AOPEP: variants seen among roughly 807,000 people sequenced by gnomAD.
AOPEP encodes aminopeptidase O (putative).
In AOPEP, 77 loss-of-function variants were observed where a neutral mutation model predicts 98.1. That is an observed-to-expected ratio of 0.78 (90% CI 0.65 to 0.95). The LOEUF (loss-of-function observed/expected upper bound fraction) is 0.95. Among genes scored for constraint, AOPEP ranks in the 40% least tolerant of loss-of-function variants. The pLI is 0.00. For missense variants in AOPEP, 1,024 were observed against 1,024.7 expected (o/e 1.00, Z 0.01); for synonymous variants, 346 against 365.3 (o/e 0.95, Z 0.60).
At chr9:94,965,398 T>G (rs1448907115) in intron 9 of AOPEP, among the ~76,000 whole-genome samples, 2 of 152,282 alleles carry the variant, frequency 1.3e-5, no homozygotes, top group Non-Finnish European at 2.9e-5. Context: ...ATGCTTTTAA[T>G]AGGGAGACTT....
At chr9:94,765,365 A>C (rs1046546682) in intron 2 of AOPEP, among the ~76,000 whole-genome samples, 1 of 150,916 alleles carries the variant, frequency 6.6e-6, no homozygotes, top group Non-Finnish European at 1.5e-5. Context: ...TTTGGAAGAC[A>C]GAGGCAGGAG....
At chr9:95,092,926 C>T in the AOPEP span, among the ~76,000 whole-genome samples, 2,540 of 152,264 alleles carry the variant, frequency 0.017, 83 homozygotes, top group African/African-American at 0.058. Context: ...CATTCTGACC[C>T]TATGATTTAA....
the AOPEP span, among the ~76,000 whole-genome samples, chr9:95,109,037 G>T: frequency 6.6e-6 from 1 of 152,008 alleles, no homozygotes; most frequent in Non-Finnish European, 1.5e-5. Flanking sequence ...AGCCTCCCGA[G>T]TAGCTGGGAC....
chr9:94,734,023 G>C (rs1831170669), intron 1 of AOPEP, among the ~76,000 whole-genome samples: 1 of 152,184 alleles, frequency 6.6e-6, no homozygotes, highest in Admixed American at 6.5e-5. Context: ...CAAAGAACTA[G>C]AATATAAATA....
chr9:94,815,084 A>G (rs1588357437), intron 5 of AOPEP, among the ~76,000 whole-genome samples: 1 of 152,128 alleles, frequency 6.6e-6, no homozygotes, highest in Non-Finnish European at 1.5e-5. Context: ...TTGGTCCCAT[A>G]TTTGTGGGTC....
At chr9:94,917,501 C>T (rs934779332) in intron 5 of AOPEP, among the ~76,000 whole-genome samples, 2 of 152,156 alleles carry the variant, frequency 1.3e-5, no homozygotes, top group African/African-American at 2.4e-5. Context: ...TGAGCACCCA[C>T]CTTGAACCTT....
chr9:94,744,701 C>CAAAAAAAAAAAAA (rs757571360), intron 1 of AOPEP, among the ~76,000 whole-genome samples: 4 of 56,048 alleles, frequency 7.1e-5, no homozygotes, highest in African/African-American at 1.8e-4. Context: ...GACTCTGTCT[C>CAAAAAAAAAAAAA]AAAAAAAAAA....
At position 94,980,510 on chromosome 9, in the gene AOPEP, CT is replaced by C. The variant is rs1475093143; in HGVS notation, c.1977+1087del. Among the ~76,000 whole-genome samples the C allele has an allele frequency of 1.3e-5, 2 of 152,184 alleles. No individual in the cohort carries two copies. The highest frequency in any genetic ancestry group is 2.4e-5 in the African/African-American group (1 of 41,446). On this transcript the variant is annotated intron_variant, in intron 11 of 16. Transcript: ENST00000375315. The surrounding 1 kb of genome is among the most constrained non-coding windows in gnomAD (Gnocchi z 4.3). ...GACAGGAGGGGCTGTTCTCCATTAC[CT>C]TTTCATCCCCCTCCTCACATCTTTG...
At chr9:94,733,094 A>C (rs1406673128) in intron 1 of AOPEP, among the ~76,000 whole-genome samples, 1 of 135,966 alleles carries the variant, frequency 7.4e-6, no homozygotes, top group African/African-American at 2.7e-5. Flanking sequence ...GTGTTTAATC[A>C]TTTTCTTTCT....
intron 5 of AOPEP, among the ~76,000 whole-genome samples, chr9:94,861,160 C>T (rs544505318): frequency 2.6e-5 from 4 of 152,224 alleles, no homozygotes; most frequent in South Asian, 2.1e-4. Flanking sequence ...AGCTGACGTA[C>T]GGGGAGCTCT....
intron 1 of AOPEP, among the ~76,000 whole-genome samples, chr9:94,742,796 T>C (rs1833462926): frequency 6.6e-6 from 1 of 152,174 alleles, no homozygotes; most frequent in African/African-American, 2.4e-5. Context: ...TAATACAAAT[T>C]TGGGGCATGT....
chr9:94,810,295 A>G (rs1850231377), intron 5 of AOPEP, among the ~76,000 whole-genome samples: 2 of 150,246 alleles, frequency 1.3e-5, no homozygotes, highest in South Asian at 4.2e-4. Flanking sequence ...GGGCCCCTAC[A>G]TTTGATTTAA....
At chr9:94,888,313 G>GTGTC (rs2048464746) in intron 5 of AOPEP, among the ~76,000 whole-genome samples, 1 of 151,634 alleles carries the variant, frequency 6.6e-6, no homozygotes, top group South Asian at 2.1e-4. Context: ...GTGTGTGTGT[G>GTGTC]TGTGTGTGTG....
At chr9:95,136,943 G>A in the AOPEP span, among the ~76,000 whole-genome samples, 4 of 152,312 alleles carry the variant, frequency 2.6e-5, no homozygotes, top group African/African-American at 9.6e-5. Flanking sequence ...ATACAGTAGA[G>A]CTGCCCCCGA....
chr9:94,899,403 A>G (rs1489344613), intron 5 of AOPEP, among the ~76,000 whole-genome samples: 5 of 129,236 alleles, frequency 3.9e-5, no homozygotes, highest in Non-Finnish European at 8.4e-5. Context: ...TACATTTGCT[A>G]TTTTTTTATA....
chr9:95,052,592 TAAA>T (rs1228997249), intron 13 of AOPEP, among the ~76,000 whole-genome samples: 1 of 152,234 alleles, frequency 6.6e-6, no homozygotes, highest in African/African-American at 2.4e-5. Context: ...TAGGGCTGTA[TAAA>T]AAACATTTAA....
At chr9:95,019,134 A>ACAGCAGCAAGTACAG (rs1414556053) in intron 13 of AOPEP, 22 of 151,366 alleles carry the variant, frequency 1.5e-4, no homozygotes, top group African/African-American at 4.6e-4. Context: ...CAGCAAGTAT[A>ACAGCAGCAAGTACAG]CAGCAGCAAG....
At chr9:94,942,830 G>A (rs1285010534) in intron 7 of AOPEP, among the ~76,000 whole-genome samples, 4 of 151,012 alleles carry the variant, frequency 2.6e-5, no homozygotes, top group Non-Finnish European at 4.4e-5. Flanking sequence ...GCTTGAACCC[G>A]GGAGGCAGAG....
At chr9:95,016,423 A>C (rs1032236254) in intron 13 of AOPEP, among the ~76,000 whole-genome samples, 3 of 150,902 alleles carry the variant, frequency 2.0e-5, no homozygotes, top group African/African-American at 7.3e-5. Flanking sequence ...TTTGTTTTTT[A>C]GTAGAAATGG....
Sources: gnomAD v4.1 joint callset for allele counts (sites outside exome capture counted in the v4.1 genomes callset) on GRCh38, gnomAD v4.1.1 for gene constraint, Gnocchi (gnomAD v3.1) non-coding constraint, MANE v1.5 for transcripts, NCBI Gene and HGNC (gene_info 2026-07-23, HGNC 2026-07-21) for gene names.